The following SLC24A3 variants were observed in gnomAD, a reference collection of about 807,000 sequenced individuals.
SLC24A3 encodes sodium/potassium/calcium exchanger 3.
In SLC24A3, 28 loss-of-function variants were observed where a neutral mutation model predicts 75.8. The ratio of observed to expected loss-of-function variants is 0.37; its 90% CI spans 0.27 to 0.51. The LOEUF is 0.51. Ranked by LOEUF, SLC24A3 falls within the 20% of genes least tolerant of loss-of-function variation. The probability of loss-of-function intolerance (pLI) is 0.94; values close to 1 mark genes in which losing one functional copy is unlikely to be tolerated. For missense variants in SLC24A3, 663 were observed against 847.8 expected (o/e 0.78, Z 2.71); for synonymous variants, 372 against 334.1 (o/e 1.11, Z -1.24).
intron 2 of SLC24A3, among the ~76,000 whole-genome samples, chr20:19,383,433 T>A (rs1161235799): frequency 1.3e-5 from 2 of 152,108 alleles, no homozygotes; most frequent in African/African-American, 4.8e-5. Context: ...ATTTATCCTG[T>A]GAAATGTCCT....
intron 2 of SLC24A3, among the ~76,000 whole-genome samples, chr20:19,376,158 A>C (rs1000681030): frequency 1.3e-5 from 2 of 152,202 alleles, no homozygotes; most frequent in Non-Finnish European, 2.9e-5. Context: ...GAAAGAGGAA[A>C]ACAGAACTGT....
At chr20:19,576,864 T>C (rs1458015610) in intron 3 of SLC24A3, among the ~76,000 whole-genome samples, 2 of 152,198 alleles carry the variant, frequency 1.3e-5, no homozygotes, top group Non-Finnish European at 2.9e-5. Context: ...TTGATTAATC[T>C]ACAAATGTGC....
chr20:19,447,929 C>T (rs57532654), intron 2 of SLC24A3, among the ~76,000 whole-genome samples: 6 of 152,190 alleles, frequency 3.9e-5, no homozygotes, highest in Non-Finnish European at 7.3e-5. Context: ...TGCATACATG[C>T]GTGAATGAAT....
At chr20:19,372,319 A>C (rs1434220120) in intron 2 of SLC24A3, among the ~76,000 whole-genome samples, 1 of 152,210 alleles carries the variant, frequency 6.6e-6, no homozygotes, top group Non-Finnish European at 1.5e-5. Context: ...ACCATAAAGG[A>C]ATCATTTCAA....
intron 3 of SLC24A3, among the ~76,000 whole-genome samples, chr20:19,533,804 T>A (rs946084185): frequency 3.9e-5 from 6 of 152,206 alleles, no homozygotes; most frequent in Admixed American, 2.0e-4. Flanking sequence ...CATATCTATA[T>A]CTTGGAAAGA....
intron 2 of SLC24A3, among the ~76,000 whole-genome samples, chr20:19,368,924 G>A (rs1486034626): frequency 6.6e-6 from 1 of 152,108 alleles, no homozygotes; most frequent in African/African-American, 2.4e-5. Context: ...AATCCATAGA[G>A]TAAAATAAGA....
intron 2 of SLC24A3, among the ~76,000 whole-genome samples, chr20:19,347,004 T>C (rs1408026278): frequency 6.6e-6 from 1 of 152,172 alleles, no homozygotes; most frequent in Non-Finnish European, 1.5e-5. Flanking sequence ...TAAACTATGG[T>C]ACAGACATAC....
chr20:19,261,173 C>T (rs1187939634), intron 1 of SLC24A3, among the ~76,000 whole-genome samples: 1 of 152,166 alleles, frequency 6.6e-6, no homozygotes, highest in Non-Finnish European at 1.5e-5. Context: ...ATTCCAGAGA[C>T]TCCTCGTTCT....
At chr20:19,491,868 G>T (rs2122531246) in intron 2 of SLC24A3, among the ~76,000 whole-genome samples, 1 of 152,238 alleles carries the variant, frequency 6.6e-6, no homozygotes, top group East Asian at 1.9e-4. Flanking sequence ...CCCAGCCCTG[G>T]GCAAGGGCGC....
At chr20:19,278,479 A>G (rs896962188) in intron 1 of SLC24A3, among the ~76,000 whole-genome samples, 2 of 152,192 alleles carry the variant, frequency 1.3e-5, no homozygotes, top group Non-Finnish European at 2.9e-5. Flanking sequence ...GCCCTTCTCC[A>G]CACTTTCAGA....
chr20:19,531,907 G>C (rs1309149863), intron 3 of SLC24A3, among the ~76,000 whole-genome samples: 1 of 152,206 alleles, frequency 6.6e-6, no homozygotes, highest in Non-Finnish European at 1.5e-5. Context: ...GGTTAAATGA[G>C]TTGCCCCCCC....
At position 19,696,553 on chromosome 20, in the gene SLC24A3, A is replaced by G. The variant is rs946089527; in HGVS notation, c.1492-244A>G. On this transcript the variant is annotated intron_variant, in intron 13 of 16. Transcript: ENST00000328041. ...AAACCACCCGCCTCACCGGAAGAGA[A>G]CAAGTGAAAAGGCCAATGTTTTGTT... is the stretch of plus-strand genomic sequence containing the variant. The G allele has an allele frequency of 7.2e-6, 3 of 415,500 alleles. No individual in the cohort carries two copies. In the Admixed American group the frequency reaches 1.1e-4, roughly 16 times the overall value. The allele number at this position is 415,500 out of a possible 1,614,324, so 25.7% of individuals were successfully genotyped here.
chr20:19,497,205 T>G (rs1390280082), intron 2 of SLC24A3, among the ~76,000 whole-genome samples: 1 of 152,186 alleles, frequency 6.6e-6, no homozygotes, highest in Non-Finnish European at 1.5e-5. Context: ...CCCAGCTCAT[T>G]CTTAGCCCAT....
intron 1 of SLC24A3, among the ~76,000 whole-genome samples, chr20:19,227,962 T>C (rs1981915123): frequency 6.6e-6 from 1 of 152,210 alleles, no homozygotes; most frequent in African/African-American, 2.4e-5. Flanking sequence ...ATTCTTTTTG[T>C]TCATAGTGTG....
chr20:19,672,136 T>C (rs1296902584), intron 8 of SLC24A3, among the ~76,000 whole-genome samples: 5 of 150,922 alleles, frequency 3.3e-5, no homozygotes, highest in Non-Finnish European at 7.4e-5. Context: ...GATCGGGGGG[T>C]GTGGAAGTTA....
At chr20:19,621,741 C>A (rs1226133188) in intron 6 of SLC24A3, among the ~76,000 whole-genome samples, 5 of 152,146 alleles carry the variant, frequency 3.3e-5, no homozygotes, top group African/African-American at 1.2e-4. Context: ...TGCTGCTGTA[C>A]CCAGAACCAC....
intron 2 of SLC24A3, among the ~76,000 whole-genome samples, chr20:19,513,501 T>G (rs928017054): frequency 1.1e-4 from 16 of 152,356 alleles, no homozygotes; most frequent in African/African-American, 3.8e-4. Context: ...CTCACATTAA[T>G]TTCCAGATCG....
intron 1 of SLC24A3, among the ~76,000 whole-genome samples, chr20:19,235,655 C>T (rs1460777399): frequency 6.6e-6 from 1 of 152,204 alleles, no homozygotes; most frequent in Non-Finnish European, 1.5e-5. Context: ...GGCTTCTTAC[C>T]TGTCTGGCCC....
chr20:19,628,076 C>T (rs564647656), intron 6 of SLC24A3, among the ~76,000 whole-genome samples: 6 of 151,130 alleles, frequency 4.0e-5, no homozygotes, highest in South Asian at 2.1e-4. Context: ...TGGTGGGGCA[C>T]GCCTATAGTC....
Sources: gnomAD v4.1 joint callset for allele counts (sites outside exome capture counted in the v4.1 genomes callset) on GRCh38, gnomAD v4.1.1 for gene constraint, MANE v1.5 for transcripts, NCBI Gene and HGNC (gene_info 2026-07-23, HGNC 2026-07-21) for gene names.